The following ANKRD30B variants were observed in gnomAD, a reference collection of about 807,000 sequenced individuals.
ANKRD30B encodes the protein ankyrin repeat domain-containing protein 30B.
A neutral mutation model predicts 202.2 loss-of-function variants in ANKRD30B; 144 were observed. That is an observed-to-expected ratio of 0.71 (90% CI 0.62 to 0.82). ANKRD30B has a LOEUF of 0.82. Ranked by LOEUF, ANKRD30B falls within the 40% of genes least tolerant of loss-of-function variation. The pLI, the probability that ANKRD30B is intolerant of heterozygous loss-of-function variation, is 0.00. For missense variants in ANKRD30B, 1,487 were observed against 1,669.1 expected (o/e 0.89, Z 1.90); for synonymous variants, 508 against 561.3 (o/e 0.91, Z 1.34).
chr18:14,789,287 T>C (rs977868935), intron 15 of ANKRD30B, among the ~76,000 whole-genome samples: 1 of 152,246 alleles, frequency 6.6e-6, no homozygotes, highest in African/African-American at 2.4e-5. Flanking sequence ...ATTCTGGATA[T>C]TAGCCCTTTG....
chr18:14,834,705 G>A (rs543434724), intron 34 of ANKRD30B, among the ~76,000 whole-genome samples: 1 of 151,966 alleles, frequency 6.6e-6, no homozygotes, highest in African/African-American at 2.4e-5. Flanking sequence ...ATAAAGGAAA[G>A]ATAAATACTT....
At chr18:14,924,115 TAA>T in the ANKRD30B span, among the ~76,000 whole-genome samples, 6 of 152,348 alleles carry the variant, frequency 3.9e-5, no homozygotes, top group South Asian at 1.2e-3. Flanking sequence ...GACACTTGCT[TAA>T]TTACTCTGAA....
the ANKRD30B span, chr18:14,905,836 A>T: frequency 6.6e-6 from 1 of 152,310 alleles, no homozygotes; most frequent in Non-Finnish European, 1.5e-5. Context: ...TTAGTGCCAA[A>T]GGGTCTGTTT....
rs1448462590 is a variant in ANKRD30B at position 14,762,831 on chromosome 18, A to C, written c.821-855A>C. Among the ~76,000 whole-genome samples the C allele has an allele frequency of 4.6e-5, 7 of 152,188 alleles. No homozygotes were observed. In the East Asian group the frequency reaches 1.2e-3, roughly 25 times the overall value. ...TATATATTTATCAAAGGACCTCTAT[A>C]AGTTAGGTTTGGCAAGTTGCAGGAG... is the stretch of plus-strand genomic sequence containing the variant. On this transcript the variant is annotated intron_variant, in intron 6 of 43. Transcript: ENST00000690538.
At chr18:14,922,329 C>A in the ANKRD30B span, among the ~76,000 whole-genome samples, 1 of 152,176 alleles carries the variant, frequency 6.6e-6, no homozygotes, top group Admixed American at 6.5e-5. Flanking sequence ...ACACCATGGG[C>A]TAAAGTGCTC....
chr18:14,934,355 A>C, the ANKRD30B span, among the ~76,000 whole-genome samples: 3 of 152,060 alleles, frequency 2.0e-5, no homozygotes, highest in Non-Finnish European at 4.4e-5. Flanking sequence ...CCTTTCCCTC[A>C]CCTGTCCTGA....
rs183755133 is a variant in ANKRD30B, at chr18:14,796,918, A to G, written c.1927+503A>G. On this transcript the variant is annotated intron_variant, in intron 18 of 43. Coordinates refer to ENST00000690538, the MANE Select transcript of ANKRD30B (RefSeq NM_001367607.2). ...AACTAACATCTGTATGCAGAAATAC[A>G]GTATACAGGGATAAGAATTTACAAT... 3.0e-3 allele frequency among the ~76,000 whole-genome samples: 452 copies of G among 152,338 alleles called. 9 individuals carry two copies. Among genetic ancestry groups the G allele is most frequent in the Admixed American group, 0.027 (408 of 15,302 alleles).
the ANKRD30B span, among the ~76,000 whole-genome samples, chr18:14,869,192 G>A: frequency 6.6e-6 from 1 of 152,268 alleles, no homozygotes; most frequent in East Asian, 1.9e-4. Flanking sequence ...CTAGCTTGAG[G>A]GTTGAAAACA....
In ANKRD30B at chr18:14,757,988, A is replaced by G. The variant is rs189461536; in HGVS notation, c.755+36A>G. 8.7e-5 allele frequency: 135 copies of G among 1,544,720 alleles called. No individual in the cohort carries two copies. In the African/African-American group the frequency reaches 1.7e-3, roughly 20 times the overall value. On this transcript the variant is annotated intron_variant, in intron 5 of 43. Coordinates refer to ENST00000690538, the MANE Select transcript of ANKRD30B (RefSeq NM_001367607.2). ...ACATTTAAAGGCTAGGTGAAATTTTATTGTTTGTTTCAGGGAGTTTTTGAA... is the reference window on the plus strand; with the variant it reads ...ACATTTAAAGGCTAGGTGAAATTTTGTTGTTTGTTTCAGGGAGTTTTTGAA...
At chr18:14,839,830 G>T (rs1167502935) in intron 36 of ANKRD30B, among the ~76,000 whole-genome samples, 2 of 152,030 alleles carry the variant, frequency 1.3e-5, no homozygotes, top group African/African-American at 4.8e-5. Context: ...TACTTCGCAC[G>T]ACATACTCTG....
At chr18:14,822,078 TA>T (rs1238832204) in intron 30 of ANKRD30B, among the ~76,000 whole-genome samples, 1 of 152,116 alleles carries the variant, frequency 6.6e-6, no homozygotes, top group Admixed American at 6.5e-5. Context: ...GTTTCTTTAA[TA>T]ATATGTCATA....
chr18:14,759,546 G>T (rs1598572175), intron 5 of ANKRD30B, among the ~76,000 whole-genome samples: 1 of 152,258 alleles, frequency 6.6e-6, no homozygotes, highest in South Asian at 2.1e-4. Context: ...GTAGGGTTTT[G>T]TGTTCCACAG....
chr18:14,809,286 G>A (rs1287954945), intron 26 of ANKRD30B, among the ~76,000 whole-genome samples: 2 of 150,928 alleles, frequency 1.3e-5, no homozygotes, highest in South Asian at 2.1e-4. Flanking sequence ...GTGTGCATCG[G>A]TAATTTCTAA....
the ANKRD30B span, among the ~76,000 whole-genome samples, chr18:14,869,267 C>A: frequency 6.6e-6 from 1 of 151,852 alleles, no homozygotes; most frequent in Non-Finnish European, 1.5e-5. Flanking sequence ...AAAACAATTT[C>A]TTCAGTTCTG....
intron 7 of ANKRD30B, among the ~76,000 whole-genome samples, chr18:14,765,076 G>T (rs565581145): frequency 3.3e-5 from 5 of 152,280 alleles, no homozygotes; most frequent in African/African-American, 1.2e-4. Flanking sequence ...TTGAGCAGGG[G>T]AGTCACAAGA....
At chr18:14,914,573 T>C in the ANKRD30B span, among the ~76,000 whole-genome samples, 1 of 152,114 alleles carries the variant, frequency 6.6e-6, no homozygotes, top group African/African-American at 2.4e-5. Context: ...GGGCAAGAAT[T>C]GTGGTGGAGA....
At chr18:14,830,080 TA>T in intron 33 of ANKRD30B, 1 of 154,608 alleles carries the variant, frequency 6.5e-6, no homozygotes, top group African/African-American at 2.4e-5. Context: ...ATACAGAGCT[TA>T]TTGGTTGGTC....
the ANKRD30B span, among the ~76,000 whole-genome samples, chr18:14,875,244 C>T: frequency 4.6e-5 from 7 of 152,254 alleles, no homozygotes; most frequent in East Asian, 1.4e-3. Context: ...AAGGAAACCC[C>T]ATAACCTTGC....
At chr18:14,782,220 AAAGT>A (rs1967792902) in intron 11 of ANKRD30B, among the ~76,000 whole-genome samples, 1 of 152,236 alleles carries the variant, frequency 6.6e-6, no homozygotes, top group Non-Finnish European at 1.5e-5. Context: ...TGCAGAAGAT[AAAGT>A]AAGATATTTT....
Sources: gnomAD v4.1 joint callset for allele counts (sites outside exome capture counted in the v4.1 genomes callset) on GRCh38, gnomAD v4.1.1 for gene constraint, MANE v1.5 for transcripts, NCBI Gene and HGNC (gene_info 2026-07-23, HGNC 2026-07-21) for gene names.